CRB2: variants seen among roughly 807,000 people sequenced by gnomAD.
CRB2 encodes protein crumbs homolog 2.
Under a neutral mutation model 110.9 loss-of-function variants are expected in CRB2, and 85 were observed. The observed-to-expected ratio is 0.77, with a 90% confidence interval of 0.64 to 0.92. The LOEUF (loss-of-function observed/expected upper bound fraction) is 0.92. CRB2 is among the 40% of genes least tolerant of loss of function. The pLI, the probability that CRB2 is intolerant of heterozygous loss-of-function variation, is 0.00. For synonymous variants in CRB2, 907 were observed against 831.0 expected, an observed-to-expected ratio of 1.09 and a Z score of -1.57; for missense variants, 1,843 against 1,851.3, an observed-to-expected ratio of 1.00 and a Z score of 0.08.
intron 1 of CRB2, among the ~76,000 whole-genome samples, chr9:123,361,142 G>GT (rs2041864539): frequency 6.6e-6 from 1 of 150,458 alleles, no homozygotes; most frequent in Non-Finnish European, 1.5e-5. Flanking sequence ...CGGGGAGGGG[G>GT]GGGGGTTCCT....
At position 123,373,199 on chromosome 9, in the gene CRB2, G is replaced by A. The variant is rs144760112; in HGVS notation, c.2668G>A (p.Gly890Arg). ...GTTCAGCGGGCACAACGCGTCGTCA[G>A]GGCGCTTGCTCGGCGGCCTGTCGCT... ...AAFSGHNASS[G>R]RLLGGLSLAF... The change falls in exon 10 of 13, where the codon GGG becomes AGG. Residue 890 changes from glycine to arginine, a missense_variant. Physicochemically the swap from Gly to Arg is moderately radical, Grantham distance 125. Transcript: ENST00000373631. 5.2e-4 allele frequency: 789 copies of A among 1,513,944 alleles called. 9 individuals are homozygous for A. The East Asian group carries it at 9.1e-3, about 17-fold the overall frequency. The allele number at this position is 1,513,944 out of a possible 1,614,324, so 93.8% of individuals were successfully genotyped here.
Position 123,373,852 on chromosome 9 carries a change from C to A in CRB2, c.3321C>A (p.Arg1107=). ...ACTCCGCCCCCTGCGCCCGTGGCCG[C>A]TGTCACACGCACCCCGACGGCCGCT... is the stretch of plus-strand genomic sequence containing the variant. The part of the protein sequence containing the change: ...PCHSAPCARG[R]CHTHPDGRFE... The change falls in exon 10 of 13, where the codon CGC becomes CGA. Residue 1107 remains arginine, a synonymous_variant. Coordinates refer to ENST00000373631, the MANE Select transcript of CRB2 (RefSeq NM_173689.7). The A allele has an allele frequency of 6.4e-7, 1 of 1,561,378 alleles. No individual in the cohort carries two copies. Among genetic ancestry groups the A allele is most frequent in the Non-Finnish European group, 8.6e-7 (1 of 1,159,044 alleles).
In CRB2 at chr9:123,365,983, T is replaced by C. The variant is rs528815407; in HGVS notation, c.485T>C (p.Leu162Pro). Residue 162 changes from leucine to proline, a missense_variant, in exon 3 of 13, where the codon CTG becomes CCG. By Grantham distance (98) the Leu-to-Pro change is moderately conservative. Transcript: ENST00000373631. ...SAPCLHGGSCLDGVGSFRCVC... is the reference protein window; with the variant it reads ...SAPCLHGGSCPDGVGSFRCVC... ...CCCTGCCTGCACGGGGGCTCGTGCC[T>C]GGACGGCGTGGGCTCCTTCCGCTGT... The C allele has an allele frequency of 1.4e-5, 22 of 1,597,238 alleles. No individual in the cohort carries two copies. In the East Asian group the frequency reaches 4.9e-4, roughly 36 times the overall value.
rs552922057 is a variant in CRB2 at position 123,375,962 on chromosome 9, C to T, written c.3633+619C>T. ...CTTGGAAGGGAAGTCTGGGGAGCAG[C>T]CTTGATCTCTACAGGCTTCTGGCAG... On this transcript the variant is annotated intron_variant, in intron 12 of 12. Coordinates refer to ENST00000373631, the MANE Select transcript of CRB2 (RefSeq NM_173689.7). Among the ~76,000 whole-genome samples, 6 of 152,250 alleles carry T rather than the reference C, an allele frequency of 3.9e-5. No individual in the cohort carries two copies. The South Asian group carries it at 1.0e-3, about 26-fold the overall frequency.
In CRB2 at chr9:123,370,183, T is replaced by C; in HGVS notation, c.1130T>C (p.Val377Ala). ...CACGGCGGAACCTGCAGTGACACTG[T>C]GGCAGGCTATATCTGCAGGTGCCCA... ...CLHGGTCSDTVAGYICRCPET... is the reference protein window; with the variant it reads ...CLHGGTCSDTAAGYICRCPET... Residue 377 changes from valine (V) to alanine (A), a missense_variant, in exon 7 of 13, where the codon GTG becomes GCG. Physicochemically the swap from Val to Ala is moderately conservative, Grantham distance 64. Transcript: ENST00000373631. 1 of 1,612,584 alleles carries C rather than the reference T, an allele frequency of 6.2e-7. No individual in the cohort carries two copies. The highest frequency in any genetic ancestry group is 1.1e-5 in the South Asian group (1 of 91,052).
chr9:123,363,598 C>T (rs959567387), intron 2 of CRB2, among the ~76,000 whole-genome samples: 4 of 152,116 alleles, frequency 2.6e-5, no homozygotes, highest in Non-Finnish European at 5.9e-5. Flanking sequence ...ACACGACAGT[C>T]ACCATCAGCT....
In CRB2 at chr9:123,371,259, G is replaced by C. The variant is rs780478686; in HGVS notation, c.2117G>C (p.Arg706Pro). The C allele has an allele frequency of 2.5e-6, 4 of 1,613,846 alleles. No homozygotes were observed. The highest frequency in any genetic ancestry group is 1.1e-5 in the South Asian group (1 of 91,080). ...LTVFLSEGRI[R>P]AEVPGSPAVV... ...GTATTCCTGAGTGAGGGTCGGATCC[G>C]GGCTGAGGTGCCGGGCAGTCCTGCT... The change falls in exon 8 of 13, where the codon CGG becomes CCG. Residue 706 changes from arginine to proline, a missense_variant. Arg to Pro is a moderately radical substitution (Grantham distance 103). Transcript: ENST00000373631.
chr9:123,360,320 G>C (rs113844109), intron 1 of CRB2, among the ~76,000 whole-genome samples: 88 of 152,088 alleles, frequency 5.8e-4, no homozygotes, highest in Non-Finnish European at 1.2e-3. Context: ...CTGCCAGGTC[G>C]GCCCAGGCAG....
In CRB2 at chr9:123,373,965, G is replaced by A. The variant is rs772086567; in HGVS notation, c.3389+45G>A. On this transcript the variant is annotated intron_variant, in intron 10 of 12. Transcript: ENST00000373631. ...GGGTGGGCTGCGAATGCCCCCTGGG[G>A]CTATGGTGGGGCAGAGAAGTCTGCC... 7 of 1,549,596 alleles carry A rather than the reference G, an allele frequency of 4.5e-6. No individual in the cohort carries two copies. In the South Asian group the frequency reaches 5.9e-5, roughly 13 times the overall value.
chr9:123,357,358 G>T (rs1408556668), intron 1 of CRB2, among the ~76,000 whole-genome samples: 1 of 151,952 alleles, frequency 6.6e-6, no homozygotes, highest in Non-Finnish European at 1.5e-5. Flanking sequence ...GGAGGGCCTG[G>T]GCTCTCCTGA....
intron 4 of CRB2, 122 bp downstream of exon 4, chr9:123,366,488 T>A: frequency 5.0e-6 from 6 of 1,211,016 alleles, no homozygotes; most frequent in Non-Finnish European, 6.6e-6. Context: ...GGGACCAGAG[T>A]GTGTGTGTGA....
rs1269748081 is a variant in CRB2 at position 123,373,894 on chromosome 9, G to A, written c.3363G>A (p.Pro1121=). The change falls in exon 10 of 13, where the codon CCG becomes CCA. Residue 1121 remains proline, a synonymous_variant. Coordinates refer to ENST00000373631, the MANE Select transcript of CRB2 (RefSeq NM_173689.7). ...ACGGCCGCTTCGAGTGCCGCTGCCC[G>A]CCTGGCTTCGGGGGCCCGCGCTGCA... The part of the protein sequence containing the change: ...HPDGRFECRC[P]PGFGGPRCRL... The A allele has an allele frequency of 1.9e-6, 3 of 1,547,908 alleles. No homozygotes were observed. The highest frequency in any genetic ancestry group is 2.4e-5 in the East Asian group (1 of 41,086).
upstream of CRB2, among the ~76,000 whole-genome samples, chr9:123,355,616 T>A (rs903492641): frequency 1.0e-5 from 1 of 98,344 alleles, no homozygotes; most frequent in Admixed American, 1.3e-4. Flanking sequence ...GAAGGTGGCA[T>A]GGCCAGGAGC....
In CRB2 at chr9:123,376,702, C is replaced by T. The variant is rs537822771; in HGVS notation, c.3634-136C>T. 52 of 825,244 alleles carry T rather than the reference C, an allele frequency of 6.3e-5. 1 individual carries two copies. In the Admixed American group the frequency reaches 1.2e-3, roughly 19 times the overall value. The allele number at this position is 825,244 out of a possible 1,614,324, so 51.1% of individuals were successfully genotyped here. On this transcript the variant is annotated intron_variant, in intron 12 of 12. Transcript: ENST00000373631. The stretch of plus-strand genomic sequence containing the variant: ...CTGCATACCCCTGGGGCTGGGTCTT[C>T]ACTGCTCCCAGGGCAGCCTGCTCCC...
intron 1 of CRB2, among the ~76,000 whole-genome samples, chr9:123,360,052 T>C (rs1388245137): frequency 1.3e-5 from 2 of 152,172 alleles, no homozygotes; most frequent in Non-Finnish European, 2.9e-5. Flanking sequence ...TTGGGAGATG[T>C]GGACCTCTGG....
intron 2 of CRB2, among the ~76,000 whole-genome samples, chr9:123,365,675 C>T (rs2041920313): frequency 6.6e-6 from 1 of 152,204 alleles, no homozygotes; most frequent in Non-Finnish European, 1.5e-5. Flanking sequence ...CTGGCTGAAT[C>T]ACCCCCCACC....
chr9:123,368,841 T>A (rs1255868818), intron 6 of CRB2: 16 of 1,249,626 alleles, frequency 1.3e-5, no homozygotes, highest in Non-Finnish European at 1.7e-5. Flanking sequence ...TCCTCCCCAC[T>A]TCCCCAGCCT....
intron 6 of CRB2, chr9:123,368,857 C>T: frequency 1.6e-6 from 2 of 1,261,302 alleles, no homozygotes; most frequent in Non-Finnish European, 1.0e-6. Flanking sequence ...AGCCTCAGTG[C>T]CCGCCCACCA....
intron 1 of CRB2, among the ~76,000 whole-genome samples, chr9:123,359,441 G>GTTTT (rs375773781): frequency 0.013 from 1,217 of 93,960 alleles, 21 homozygotes; most frequent in Non-Finnish European, 0.017. Flanking sequence ...TTTTTGTTTT[G>GTTTT]TTTTTTTTTT....
Sources: gnomAD v4.1 joint callset for allele counts (sites outside exome capture counted in the v4.1 genomes callset) on GRCh38, gnomAD v4.1.1 for gene constraint, MANE v1.5 for transcripts, NCBI Gene and HGNC (gene_info 2026-07-23, HGNC 2026-07-21) for gene names.